CNBD1: variants seen among roughly 807,000 people sequenced by gnomAD.
CNBD1 encodes cyclic nucleotide binding domain containing 1.
A neutral mutation model predicts 54.4 loss-of-function variants in CNBD1; 71 were observed. That is an observed-to-expected ratio of 1.30 (90% CI 1.08 to 1.59). The LOEUF (loss-of-function observed/expected upper bound fraction) is 1.59, where lower values mean the gene tolerates loss of function less well. CNBD1 is among the 40% of genes most tolerant of loss of function. CNBD1 has a pLI of 0.00. For missense variants in CNBD1, 659 were observed against 518.0 expected, an observed-to-expected ratio of 1.27 and a Z score of -2.64; for synonymous variants, 182 against 170.7, an observed-to-expected ratio of 1.07 and a Z score of -0.51.
intron 2 of CNBD1, among the ~76,000 whole-genome samples, chr8:87,394,221 T>G (rs1348622455): frequency 6.6e-6 from 1 of 151,776 alleles, no homozygotes; most frequent in South Asian, 2.1e-4. Flanking sequence ...CTTAGTGAAA[T>G]AAAATAAGAA....
At chr8:87,226,351 C>G (rs1270412521) in intron 5 of CNBD1, among the ~76,000 whole-genome samples, 1 of 150,530 alleles carries the variant, frequency 6.6e-6, no homozygotes, top group Non-Finnish European at 1.5e-5. Context: ...AATTTTGGAT[C>G]TTTCCTGCTT....
intron 4 of CNBD1, among the ~76,000 whole-genome samples, chr8:86,994,817 T>C (rs1808833569): frequency 6.6e-6 from 1 of 152,180 alleles, no homozygotes; most frequent in African/African-American, 2.4e-5. Flanking sequence ...TTTTGGTCAC[T>C]CTCAGTGGGA....
intron 5 of CNBD1, among the ~76,000 whole-genome samples, chr8:87,215,126 A>C (rs1355116444): frequency 6.6e-6 from 1 of 152,216 alleles, no homozygotes; most frequent in Non-Finnish European, 1.5e-5. Context: ...TGTGCATATC[A>C]TTATAATAGA....
chr8:87,392,713 A>T (rs1024916373), intron 2 of CNBD1, among the ~76,000 whole-genome samples: 6 of 152,076 alleles, frequency 3.9e-5, no homozygotes, highest in East Asian at 1.9e-4. Flanking sequence ...GGTGACAAAA[A>T]CATTCCAAAT....
intron 4 of CNBD1, among the ~76,000 whole-genome samples, chr8:86,965,693 G>C (rs541080582): frequency 6.6e-6 from 1 of 152,160 alleles, no homozygotes; most frequent in African/African-American, 2.4e-5. Flanking sequence ...AACCTCTGTG[G>C]CTGCGGGTGG....
intron 4 of CNBD1, among the ~76,000 whole-genome samples, chr8:86,961,273 A>G (rs1338482530): frequency 1.3e-5 from 2 of 152,196 alleles, no homozygotes; most frequent in African/African-American, 2.4e-5. Flanking sequence ...GAAGGCTGTG[A>G]ACCAAAATTT....
chr8:87,206,486 T>C (rs1221128382), intron 5 of CNBD1, among the ~76,000 whole-genome samples: 5 of 152,156 alleles, frequency 3.3e-5, no homozygotes. Flanking sequence ...CCTCAGGTGA[T>C]GCCACCAGTG....
chr8:86,902,526 C>T (rs1021950431), intron 2 of CNBD1, among the ~76,000 whole-genome samples: 13 of 152,168 alleles, frequency 8.5e-5, no homozygotes, highest in African/African-American at 2.4e-4. Flanking sequence ...TGCTTGGACA[C>T]GATAAGCATT....
intron 6 of CNBD1, among the ~76,000 whole-genome samples, chr8:87,248,444 A>G (rs1285822984): frequency 2.8e-4 from 42 of 152,208 alleles, no homozygotes; most frequent in Admixed American, 2.7e-3. Context: ...GTCAGTGCAG[A>G]CACATTTGAT....
At chr8:87,054,556 T>C (rs1446270987) in intron 4 of CNBD1, among the ~76,000 whole-genome samples, 2 of 152,346 alleles carry the variant, frequency 1.3e-5, no homozygotes, top group Admixed American at 1.3e-4. Flanking sequence ...AACAGGATTA[T>C]ATGCCCAGGT....
At chr8:87,015,899 T>G (rs1809344616) in intron 4 of CNBD1, among the ~76,000 whole-genome samples, 1 of 144,960 alleles carries the variant, frequency 6.9e-6, no homozygotes, top group African/African-American at 2.6e-5. Flanking sequence ...GAGAATTGCT[T>G]GAACCCAGGA....
intron 6 of CNBD1, among the ~76,000 whole-genome samples, chr8:87,271,166 A>C (rs1808355245): frequency 6.6e-6 from 1 of 151,428 alleles, no homozygotes; most frequent in Admixed American, 6.6e-5. Flanking sequence ...TCTTGTTTTT[A>C]AATTAATCCA....
At chr8:87,296,620 C>CGTAT (rs1554576898) in intron 8 of CNBD1, among the ~76,000 whole-genome samples, 4 of 150,264 alleles carry the variant, frequency 2.7e-5, no homozygotes, top group African/African-American at 9.8e-5. Flanking sequence ...TATATATACA[C>CGTAT]ATATATATAC....
At chr8:87,175,064 A>G (rs1330502937) in intron 4 of CNBD1, among the ~76,000 whole-genome samples, 1 of 152,104 alleles carries the variant, frequency 6.6e-6, no homozygotes, top group Non-Finnish European at 1.5e-5. Context: ...CCCTCTGATA[A>G]CACACCCTGG....
At chr8:87,171,898 A>G (rs1169696262) in intron 4 of CNBD1, among the ~76,000 whole-genome samples, 1 of 152,030 alleles carries the variant, frequency 6.6e-6, no homozygotes, top group Admixed American at 6.6e-5. Flanking sequence ...TGGCCTCCCA[A>G]AGTGCTGGGA....
chr8:87,054,595 A>C (rs562608876), intron 4 of CNBD1, among the ~76,000 whole-genome samples: 1 of 152,330 alleles, frequency 6.6e-6, no homozygotes, highest in South Asian at 2.1e-4. Context: ...ATTGCATTCA[A>C]AGAAGGAATA....
chr8:86,959,128 G>T (rs542670045), intron 4 of CNBD1, among the ~76,000 whole-genome samples: 24 of 152,286 alleles, frequency 1.6e-4, no homozygotes, highest in Admixed American at 7.8e-4. Context: ...GACTGGATAT[G>T]AAATTCTGGG....
downstream of CNBD1, among the ~76,000 whole-genome samples, chr8:87,385,104 C>T (rs1811155877): frequency 6.6e-6 from 1 of 151,986 alleles, no homozygotes; most frequent in Non-Finnish European, 1.5e-5. Context: ...TTTGGGAGGG[C>T]ATTAAAAAGT....
rs1276693326 is a variant in CNBD1 at position 87,351,673 on chromosome 8, T to A, written c.1043-12T>A. The A allele has an allele frequency of 2.7e-6, 4 of 1,483,954 alleles. No individual in the cohort carries two copies. Among genetic ancestry groups the A allele is most frequent in the Non-Finnish European group, 3.6e-6 (4 of 1,120,340 alleles). The allele number at this position is 1,483,954 out of a possible 1,614,324, so 91.9% of individuals were successfully genotyped here. On this transcript the variant is annotated splice_polypyrimidine_tract_variant and intron_variant, in intron 8 of 10. Coordinates refer to ENST00000518476, the MANE Select transcript of CNBD1 (RefSeq NM_173538.3). ...AAGAATGTGTGAAATGAACTATCTC[T>A]CTTCTTTTCAGTGATAGTGGAAAGT...
Sources: gnomAD v4.1 joint callset for allele counts (sites outside exome capture counted in the v4.1 genomes callset) on GRCh38, gnomAD v4.1.1 for gene constraint, MANE v1.5 for transcripts, NCBI Gene and HGNC (gene_info 2026-07-23, HGNC 2026-07-21) for gene names.